Variants in HDGFL2 observed in about 807,000 individuals in gnomAD.
The protein encoded by HDGFL2 is HDGF like 2, also known as hepatoma-derived growth factor-related protein 2.
Under a neutral mutation model 77.1 loss-of-function variants are expected in HDGFL2, and 36 were observed. That is an observed-to-expected ratio of 0.47 (90% CI 0.36 to 0.62). The LOEUF (loss-of-function observed/expected upper bound fraction) is 0.62, where lower values mean the gene tolerates loss of function less well. Among genes scored for constraint, HDGFL2 ranks in the 20% least tolerant of loss-of-function variants. HDGFL2 has a pLI of 0.00. For synonymous variants in HDGFL2, 463 were observed against 413.1 expected, an observed-to-expected ratio of 1.12 and a Z score of -1.46; for missense variants, 976 against 973.4, an observed-to-expected ratio of 1.00 and a Z score of -0.04.
At chr19:4,476,189 C>CTTTTTTT (rs34154932) in intron 3 of HDGFL2, among the ~76,000 whole-genome samples, 1 of 83,978 alleles carries the variant, frequency 1.2e-5, no homozygotes, top group African/African-American at 4.8e-5. Context: ...TGTGCCCAGC[C>CTTTTTTT]TTTTTTTTTT....
chr19:4,496,700 A>T (rs1342479227), intron 10 of HDGFL2, among the ~76,000 whole-genome samples: 1 of 151,882 alleles, frequency 6.6e-6, no homozygotes, highest in Non-Finnish European at 1.5e-5. Flanking sequence ...GAGCGGGTGG[A>T]GGCTGGGGAC....
intron 6 of HDGFL2, among the ~76,000 whole-genome samples, chr19:4,493,279 T>G (rs1309048724): frequency 1.4e-5 from 2 of 143,694 alleles, no homozygotes; most frequent in Non-Finnish European, 3.1e-5. Flanking sequence ...GTGTGTGTGT[T>G]GTCTGTGTGT....
chr19:4,487,423 A>T (rs1975391345), intron 3 of HDGFL2, among the ~76,000 whole-genome samples: 1 of 151,664 alleles, frequency 6.6e-6, no homozygotes, highest in African/African-American at 2.4e-5. Flanking sequence ...CACCTTGCTA[A>T]TATGTGCATC....
Position 4,488,801 on chromosome 19 carries a change from C to A in HDGFL2, c.414C>A (p.Asp138Glu), listed in dbSNP as rs375310458. 1 of 1,551,914 alleles carries A rather than the reference C, an allele frequency of 6.4e-7. No individual in the cohort carries two copies. The highest frequency in any genetic ancestry group is 1.2e-5 in the South Asian group (1 of 84,092). The part of the protein sequence containing the change: ...VTAVTATAAS[D>E]RMESDSDSDK... ...CGGTAACCGCCACAGCTGCCAGCGA[C>A]AGGATGGAGAGCGACTCAGACTCAG... is the stretch of plus-strand genomic sequence containing the variant. The change falls in exon 4 of 16, where the codon GAC (aspartate) becomes GAA (glutamate). Residue 138 changes from aspartate (D) to glutamate (E), a missense_variant. Coordinates refer to ENST00000616600, the MANE Select transcript of HDGFL2 (RefSeq NM_001001520.3).
chr19:4,481,625 C>CTT (rs1353495077), intron 3 of HDGFL2, among the ~76,000 whole-genome samples: 4 of 151,802 alleles, frequency 2.6e-5, no homozygotes, highest in Non-Finnish European at 5.9e-5. Flanking sequence ...CGCGCCCGGC[C>CTT]AATTTTTGTA....
intron 7 of HDGFL2, 55 bp downstream of exon 7, chr19:4,493,917 AG>A: frequency 1.3e-6 from 2 of 1,538,410 alleles, no homozygotes; most frequent in Non-Finnish European, 1.8e-6. Flanking sequence ...GGGCGCTCCC[AG>A]GCAGTCCCCT....
chr19:4,492,541 CTGTGTTGTGTGTGTT>C (rs1975545011), intron 6 of HDGFL2, among the ~76,000 whole-genome samples: 1 of 149,876 alleles, frequency 6.7e-6, no homozygotes, highest in African/African-American at 2.4e-5. Flanking sequence ...TGTGTGGTGT[CTGTGTTGTGTGTGTT>C]TGTGTGTCTG....
At chr19:4,500,319 C>G (rs1249891445) in intron 14 of HDGFL2, among the ~76,000 whole-genome samples, 1 of 152,154 alleles carries the variant, frequency 6.6e-6, no homozygotes, top group Non-Finnish European at 1.5e-5. Context: ...TGGGGTCTCG[C>G]TCTGTCCCCC....
intron 10 of HDGFL2, among the ~76,000 whole-genome samples, chr19:4,496,711 G>A (rs75322515): frequency 0.11 from 17,381 of 151,864 alleles, 1,090 homozygotes; most frequent in South Asian, 0.21. Flanking sequence ...GGCTGGGGAC[G>A]CTGCTGAGGG....
intron 10 of HDGFL2, chr19:4,497,628 G>T: frequency 7.7e-6 from 3 of 387,490 alleles, no homozygotes; most frequent in Non-Finnish European, 1.4e-5. Flanking sequence ...TCTCCTGCAC[G>T]CGTGTCACCC....
At chr19:4,486,818 T>C (rs1393375674) in intron 3 of HDGFL2, among the ~76,000 whole-genome samples, 1 of 152,138 alleles carries the variant, frequency 6.6e-6, no homozygotes, top group Non-Finnish European at 1.5e-5. Context: ...CTTCTTCTGG[T>C]TCCCAAGGGG....
At chr19:4,484,909 G>A (rs189238697) in intron 3 of HDGFL2, among the ~76,000 whole-genome samples, 122 of 152,024 alleles carry the variant, frequency 8.0e-4, no homozygotes, top group South Asian at 4.6e-3. Context: ...CTGACCTCGT[G>A]ATCTGCCCGC....
In HDGFL2 at chr19:4,502,128, C is replaced by T. The variant is rs1247571870; in HGVS notation, c.*118C>T. The T allele has an allele frequency of 5.1e-5, 40 of 789,492 alleles. No individual in the cohort carries two copies. The Middle Eastern group carries it at 6.6e-4, about 13-fold the overall frequency. 48.9% of individuals were successfully genotyped at this position (789,492 alleles called of 1,614,324 possible). The stretch of plus-strand genomic sequence containing the variant: ...ACGCTGTGCTGTTTGTATTTGTTCC[C>T]TTGGGTTTTTTTTTCCTGCCTAATT... On this transcript the variant is annotated 3_prime_UTR_variant, in exon 16 of 16. Transcript: ENST00000616600.
At chr19:4,498,451 G>A in intron 12 of HDGFL2, 75 bp downstream of exon 12, 1 of 1,214,326 alleles carries the variant, frequency 8.2e-7, no homozygotes, top group Non-Finnish European at 1.2e-6. Flanking sequence ...GATGTCTCGG[G>A]AAACTGAGGC....
At chr19:4,495,034 A>C (rs941836432) in intron 9 of HDGFL2, among the ~76,000 whole-genome samples, 3 of 152,122 alleles carry the variant, frequency 2.0e-5, no homozygotes, top group Non-Finnish European at 4.4e-5. Flanking sequence ...TCTCTTTTAA[A>C]TAGAGTAGAC....
chr19:4,483,616 C>T (rs1253391042), intron 3 of HDGFL2, among the ~76,000 whole-genome samples: 1 of 152,086 alleles, frequency 6.6e-6, no homozygotes, highest in Non-Finnish European at 1.5e-5. Context: ...CTTACTCTGC[C>T]TGTCCTTCCT....
intron 1 of HDGFL2, among the ~76,000 whole-genome samples, chr19:4,474,138 G>C (rs894875081): frequency 6.6e-6 from 1 of 152,058 alleles, no homozygotes; most frequent in African/African-American, 2.4e-5. Context: ...AGTCTCCCAG[G>C]GCTGAGGTTG....
intron 10 of HDGFL2, chr19:4,497,515 A>G (rs1599723444): frequency 6.6e-6 from 2 of 302,552 alleles, no homozygotes; most frequent in East Asian, 2.0e-4. Flanking sequence ...CACTTTCTAA[A>G]TGGCCTTGAG....
chr19:4,497,716 G>A, intron 10 of HDGFL2: 1 of 549,622 alleles, frequency 1.8e-6, no homozygotes, highest in Non-Finnish European at 3.2e-6. Context: ...AAAGAATCCT[G>A]GGATTTCATG....
Sources: allele counts gnomAD v4.1 joint callset (sites outside exome capture counted in the v4.1 genomes callset), GRCh38; gene constraint gnomAD v4.1.1; transcripts MANE v1.5; gene names NCBI Gene and HGNC (gene_info 2026-07-23, HGNC 2026-07-21).